VPS13B: variants seen among roughly 807,000 people sequenced by gnomAD.
VPS13B encodes vacuolar protein sorting 13 homolog B.
VPS13B carries 285 observed loss-of-function variants against 426.4 expected under a neutral mutation model. The ratio of observed to expected loss-of-function variants is 0.67; its 90% CI spans 0.61 to 0.74. The LOEUF is 0.74. VPS13B is among the 30% of genes least tolerant of loss of function. VPS13B has a pLI of 0.00. For missense variants in VPS13B, 4,537 were observed against 4,782.6 expected, an observed-to-expected ratio of 0.95 and a Z score of 1.51; for synonymous variants, 1,676 against 1,676.4, an observed-to-expected ratio of 1.00 and a Z score of 0.01.
chr8:99,271,714 C>A lies in VPS13B; in HGVS notation c.2516-2484C>A, dbSNP rs562647710. Among the ~76,000 whole-genome samples, 3 of 152,304 alleles carry A rather than the reference C, an allele frequency of 2.0e-5. No individual in the cohort carries two copies. In the South Asian group the frequency reaches 6.2e-4, roughly 32 times the overall value. On this transcript the variant is annotated intron_variant, in intron 17 of 61. Transcript: ENST00000357162. ...AATGCGAAGGGGAAGCAAGTACCTT[C>A]TTCACATGGTGGCAGGAGAGAGAAT... is the stretch of plus-strand genomic sequence containing the variant.
At chr8:99,494,013 C>T (rs1372992801) in intron 25 of VPS13B, among the ~76,000 whole-genome samples, 1 of 152,114 alleles carries the variant, frequency 6.6e-6, no homozygotes, top group South Asian at 2.1e-4. Flanking sequence ...TTCTATCCCA[C>T]TCCAGTGGCC....
chr8:99,740,410 T>C (rs1312557159), intron 39 of VPS13B, among the ~76,000 whole-genome samples: 2 of 152,156 alleles, frequency 1.3e-5, no homozygotes, highest in Non-Finnish European at 1.5e-5. Context: ...CAGGATATTA[T>C]CCAGGAGAAC....
chr8:99,542,180 T>C (rs1823658953), intron 30 of VPS13B, among the ~76,000 whole-genome samples: 1 of 152,154 alleles, frequency 6.6e-6, no homozygotes, highest in South Asian at 2.1e-4. Context: ...TGAGCCACCG[T>C]GCCTGGCCTA....
chr8:99,571,973 C>A (rs1825499122), intron 31 of VPS13B, among the ~76,000 whole-genome samples: 1 of 152,138 alleles, frequency 6.6e-6, no homozygotes, highest in Non-Finnish European at 1.5e-5. Flanking sequence ...CCAGAGTATT[C>A]TCTGGACTAC....
chr8:99,168,636 A>G (rs1468720293), intron 15 of VPS13B, among the ~76,000 whole-genome samples: 4 of 152,060 alleles, frequency 2.6e-5, no homozygotes, highest in African/African-American at 7.2e-5. Flanking sequence ...AGTACTTTGC[A>G]TACATTATTG....
intron 17 of VPS13B, among the ~76,000 whole-genome samples, chr8:99,218,405 G>A (rs145593003): frequency 1.3e-5 from 2 of 152,164 alleles, no homozygotes; most frequent in African/African-American, 4.8e-5. Context: ...CCTTTGTGAT[G>A]ACAGATGCAT....
At chr8:99,291,261 T>C (rs999809976) in intron 19 of VPS13B, among the ~76,000 whole-genome samples, 1 of 152,040 alleles carries the variant, frequency 6.6e-6, no homozygotes, top group Non-Finnish European at 1.5e-5. Context: ...ATAAAATGCC[T>C]TTTACTGAAA....
intron 19 of VPS13B, among the ~76,000 whole-genome samples, chr8:99,293,868 A>C (rs962752512): frequency 7.0e-6 from 1 of 142,196 alleles, no homozygotes; most frequent in African/African-American, 2.6e-5. Flanking sequence ...TAGAATGGCA[A>C]TCATTAAAAA....
At chr8:99,736,559 C>T (rs933172334) in intron 39 of VPS13B, among the ~76,000 whole-genome samples, 13 of 151,908 alleles carry the variant, frequency 8.6e-5, no homozygotes, top group East Asian at 7.7e-4. Context: ...GGCGACAGAG[C>T]GAGACTCTTG....
At chr8:99,347,016 C>A in intron 19 of VPS13B, 1 of 155,306 alleles carries the variant, frequency 6.4e-6, no homozygotes, top group Non-Finnish European at 1.4e-5. Context: ...CTACCTGTTC[C>A]ACTGGCCAAT....
At chr8:99,214,577 G>A (rs1389333080) in intron 17 of VPS13B, among the ~76,000 whole-genome samples, 1 of 151,998 alleles carries the variant, frequency 6.6e-6, no homozygotes, top group Non-Finnish European at 1.5e-5. Flanking sequence ...CATCCACAAT[G>A]TGTATAGGTT....
At chr8:99,198,551 C>T (rs562608205) in intron 17 of VPS13B, among the ~76,000 whole-genome samples, 50 of 151,810 alleles carry the variant, frequency 3.3e-4, no homozygotes, top group African/African-American at 1.2e-3. Flanking sequence ...TAAAAATATT[C>T]TGTGTTTAAA....
intron 7 of VPS13B, among the ~76,000 whole-genome samples, chr8:99,118,101 C>T (rs1215786395): frequency 2.0e-5 from 3 of 152,096 alleles, no homozygotes; most frequent in Admixed American, 6.5e-5. Flanking sequence ...CTGGAACAAA[C>T]ATAACATGTA....
chr8:99,114,145 C>CCT (rs578174782), intron 6 of VPS13B, among the ~76,000 whole-genome samples: 1 of 146,356 alleles, frequency 6.8e-6, no homozygotes, highest in Non-Finnish European at 1.5e-5. Context: ...TTGCAAATAT[C>CCT]TTTTTTTTTT....
intron 39 of VPS13B, among the ~76,000 whole-genome samples, chr8:99,741,675 C>CA (rs1809732326): frequency 6.6e-6 from 1 of 152,194 alleles, no homozygotes; most frequent in Non-Finnish European, 1.5e-5. Context: ...GAAACTCACT[C>CA]AAAACCACTC....
chr8:99,179,532 A>T (rs1183210082), intron 16 of VPS13B, among the ~76,000 whole-genome samples: 1 of 152,110 alleles, frequency 6.6e-6, no homozygotes, highest in Non-Finnish European at 1.5e-5. Flanking sequence ...ATCCTAAATA[A>T]CTGTAACTGA....
intron 19 of VPS13B, among the ~76,000 whole-genome samples, chr8:99,374,697 G>A (rs927181181): frequency 1.1e-4 from 17 of 152,214 alleles, no homozygotes; most frequent in African/African-American, 3.1e-4. Context: ...GTATAGTTCC[G>A]TTGGATCTGG....
chr8:99,028,291 G>C (rs987360989), intron 2 of VPS13B, among the ~76,000 whole-genome samples: 1 of 151,628 alleles, frequency 6.6e-6, no homozygotes, highest in Non-Finnish European at 1.5e-5. Context: ...AGGGGCAGCC[G>C]GGCAGAGGTG....
In VPS13B at chr8:99,642,117, GA is replaced by G; in HGVS notation, c.5533del (p.Thr1845GlnfsTer6). 6.2e-7 allele frequency: 1 copy of G among 1,614,052 alleles called. No homozygotes were observed. The highest frequency in any genetic ancestry group is 8.5e-7 in the Non-Finnish European group (1 of 1,179,988). The stretch of plus-strand genomic sequence containing the variant: ...GAAATCACAAGAACAGAAGAATAAT[GA>G]AAAAACAGACAAGAGTTCATTAAAT... Reference protein sequence around the residue: ...KSKSQEQKNNEKTDKSSLNLP... With the variant: ...KSKSQEQKNNXKTDKSSLNLP... On this transcript the variant is annotated frameshift_variant, in exon 34 of 62. Transcript: ENST00000357162. LOFTEE classifies it high-confidence loss of function.
Sources: allele counts gnomAD v4.1 joint callset (sites outside exome capture counted in the v4.1 genomes callset), GRCh38; gene constraint gnomAD v4.1.1; transcripts MANE v1.5; gene names NCBI Gene and HGNC (gene_info 2026-07-23, HGNC 2026-07-21).